The following SNTG1 variants were observed in gnomAD, a reference collection of about 807,000 sequenced individuals.
The protein encoded by SNTG1 is gamma-1-syntrophin.
In SNTG1, 39 loss-of-function variants were observed where a neutral mutation model predicts 74.7. The observed-to-expected ratio is 0.52, with a 90% confidence interval of 0.40 to 0.68. The LOEUF (loss-of-function observed/expected upper bound fraction) is 0.68, where lower values mean the gene tolerates loss of function less well. SNTG1 is among the 30% of genes least tolerant of loss of function. SNTG1 has a pLI of 0.00. For synonymous variants in SNTG1, 254 were observed against 217.1 expected, an observed-to-expected ratio of 1.17 and a Z score of -1.49; for missense variants, 685 against 609.5, an observed-to-expected ratio of 1.12 and a Z score of -1.30.
At chr8:50,289,659 G>A (rs1440761309) in intron 2 of SNTG1, among the ~76,000 whole-genome samples, 9 of 152,102 alleles carry the variant, frequency 5.9e-5, no homozygotes, top group Admixed American at 2.0e-4. Flanking sequence ...TCTGTTTTGC[G>A]CTTTGCTGTA....
intron 1 of SNTG1, among the ~76,000 whole-genome samples, chr8:50,056,801 A>G (rs2130911290): frequency 6.6e-6 from 1 of 152,252 alleles, no homozygotes; most frequent in Middle Eastern, 3.4e-3. Flanking sequence ...AATAGGCCCC[A>G]TGGAGGCAAT....
chr8:50,313,283 A>G (rs755033833), intron 2 of SNTG1, among the ~76,000 whole-genome samples: 1 of 150,060 alleles, frequency 6.7e-6, no homozygotes, highest in African/African-American at 2.5e-5. Flanking sequence ...GACACCAAAA[A>G]GCACAGGAAA....
At chr8:50,262,952 A>T (rs1256208290) in intron 2 of SNTG1, among the ~76,000 whole-genome samples, 3 of 152,180 alleles carry the variant, frequency 2.0e-5, no homozygotes, top group African/African-American at 7.2e-5. Flanking sequence ...GAGATGCATT[A>T]TCACAGAAGG....
At chr8:50,672,959 T>C (rs1354150557) in intron 15 of SNTG1, among the ~76,000 whole-genome samples, 1 of 152,224 alleles carries the variant, frequency 6.6e-6, no homozygotes, top group Non-Finnish European at 1.5e-5. Context: ...TTTCCCATGC[T>C]TGTTTTTGTC....
chr8:50,336,694 G>GA (rs2091155804), intron 2 of SNTG1, among the ~76,000 whole-genome samples: 1 of 152,178 alleles, frequency 6.6e-6, no homozygotes, highest in African/African-American at 2.4e-5. Flanking sequence ...GGCTTAATAT[G>GA]TAAATGAATG....
chr8:50,340,639 A>G (rs1418266358), intron 2 of SNTG1, among the ~76,000 whole-genome samples: 1 of 152,004 alleles, frequency 6.6e-6, no homozygotes, highest in East Asian at 1.9e-4. Context: ...ACAACATGGC[A>G]GAATATCTAG....
chr8:50,173,698 A>G (rs945957622), intron 2 of SNTG1, among the ~76,000 whole-genome samples: 2 of 152,086 alleles, frequency 1.3e-5, no homozygotes, highest in African/African-American at 4.8e-5. Flanking sequence ...CCTGTTTGCT[A>G]CCTATTCTGT....
chr8:50,753,732 G>A (rs1345335181), intron 18 of SNTG1, among the ~76,000 whole-genome samples: 1 of 151,842 alleles, frequency 6.6e-6, no homozygotes, highest in Non-Finnish European at 1.5e-5. Context: ...AAGAGATAGT[G>A]TAAGAATAGA....
chr8:50,740,835 T>C (rs188047597), intron 17 of SNTG1, among the ~76,000 whole-genome samples: 1 of 152,114 alleles, frequency 6.6e-6, no homozygotes, highest in Non-Finnish European at 1.5e-5. Context: ...TCATTTACAT[T>C]GCAGGCACAT....
chr8:50,347,532 AT>A (rs1362157660), intron 2 of SNTG1, among the ~76,000 whole-genome samples: 3 of 152,204 alleles, frequency 2.0e-5, no homozygotes, highest in Admixed American at 6.5e-5. Context: ...CATTAGACCA[AT>A]GAGTAGTTTT....
At chr8:50,750,307 T>C (rs1237491481) in intron 17 of SNTG1, among the ~76,000 whole-genome samples, 1 of 152,038 alleles carries the variant, frequency 6.6e-6, no homozygotes, top group Non-Finnish European at 1.5e-5. Flanking sequence ...AGTTTCTTCT[T>C]ATGGAGGAGC....
chr8:50,006,085 C>T (rs1815203837), intron 1 of SNTG1, among the ~76,000 whole-genome samples: 1 of 150,810 alleles, frequency 6.6e-6, no homozygotes, highest in African/African-American at 2.4e-5. Context: ...GCCTCAGCCT[C>T]CAAAGTAGCT....
At chr8:49,921,346 T>C (rs1227741734) in intron 1 of SNTG1, among the ~76,000 whole-genome samples, 3 of 152,050 alleles carry the variant, frequency 2.0e-5, no homozygotes, top group Non-Finnish European at 4.4e-5. Context: ...AAGGAATGGA[T>C]GTTTGAGGTT....
At chr8:50,148,907 T>C (rs911236525) in intron 1 of SNTG1, among the ~76,000 whole-genome samples, 1 of 152,226 alleles carries the variant, frequency 6.6e-6, no homozygotes. Context: ...CCTTTGGGTA[T>C]ATACCCAGTA....
chr8:50,075,668 G>T (rs1821800041), intron 1 of SNTG1, among the ~76,000 whole-genome samples: 2 of 152,132 alleles, frequency 1.3e-5, no homozygotes, highest in Admixed American at 1.3e-4. Context: ...AAATCTTGCT[G>T]CTGCTCACTC....
At chr8:49,925,027 C>G (rs897805023) in intron 1 of SNTG1, among the ~76,000 whole-genome samples, 1 of 151,942 alleles carries the variant, frequency 6.6e-6, no homozygotes, top group African/African-American at 2.4e-5. Context: ...GTGGTGTGTG[C>G]TGGCAGTTAC....
chr8:49,914,115 A>G (rs956926924), intron 1 of SNTG1, among the ~76,000 whole-genome samples: 2 of 151,930 alleles, frequency 1.3e-5, no homozygotes, highest in Non-Finnish European at 2.9e-5. Flanking sequence ...AAAGCAACTT[A>G]ATGCCTACCA....
intron 2 of SNTG1, among the ~76,000 whole-genome samples, chr8:50,391,757 T>C (rs926118673): frequency 6.6e-6 from 1 of 152,226 alleles, no homozygotes; most frequent in Non-Finnish European, 1.5e-5. Context: ...AGCCTGTTAT[T>C]GGTCTATTCA....
At chr8:50,024,121 G>A (rs2130702055) in intron 1 of SNTG1, among the ~76,000 whole-genome samples, 1 of 152,294 alleles carries the variant, frequency 6.6e-6, no homozygotes, top group East Asian at 1.9e-4. Context: ...CATACACAGA[G>A]AACAGGTGGG....
Sources: gnomAD v4.1 joint callset for allele counts (sites outside exome capture counted in the v4.1 genomes callset) on GRCh38, gnomAD v4.1.1 for gene constraint, MANE v1.5 for transcripts, NCBI Gene and HGNC (gene_info 2026-07-23, HGNC 2026-07-21) for gene names.